The following CACNA2D3 variants were observed in gnomAD, a reference collection of about 807,000 sequenced individuals.
CACNA2D3 encodes the protein calcium voltage-gated channel auxiliary subunit alpha2delta 3.
CACNA2D3 carries 60 observed loss-of-function variants against 160.6 expected under a neutral mutation model. The ratio of observed to expected loss-of-function variants is 0.37; its 90% CI spans 0.30 to 0.46. The LOEUF is 0.46. CACNA2D3 is among the 20% of genes least tolerant of loss of function. The pLI is 1.00. For synonymous variants in CACNA2D3, 558 were observed against 492.9 expected (o/e 1.13, Z -1.75); for missense variants, 1,205 against 1,365.0 (o/e 0.88, Z 1.85).
intron 29 of CACNA2D3, among the ~76,000 whole-genome samples, chr3:54,984,163 G>A (rs891933625): frequency 2.6e-5 from 4 of 152,110 alleles, no homozygotes; most frequent in East Asian, 1.9e-4. Context: ...GAGCTGACAC[G>A]GTGTTTTCAT....
chr3:54,402,308 A>G (rs1227218720), intron 4 of CACNA2D3, among the ~76,000 whole-genome samples: 3 of 152,178 alleles, frequency 2.0e-5, no homozygotes, highest in Non-Finnish European at 2.9e-5. Context: ...ATGTAAATGG[A>G]TTAAATTCTC....
chr3:54,370,757 GT>G (rs200265056), intron 3 of CACNA2D3, among the ~76,000 whole-genome samples: 9 of 137,576 alleles, frequency 6.5e-5, no homozygotes, highest in East Asian at 4.5e-4. Flanking sequence ...AATTCAGTGG[GT>G]TTTTTTTTGT....
chr3:54,763,704 T>C (rs1156544362), intron 12 of CACNA2D3, among the ~76,000 whole-genome samples: 10 of 137,872 alleles, frequency 7.3e-5, no homozygotes, highest in Admixed American at 2.2e-4. Flanking sequence ...TATGTATATA[T>C]GTATATATAT....
chr3:54,854,427 A>G (rs1034404105), intron 17 of CACNA2D3, among the ~76,000 whole-genome samples: 6 of 152,104 alleles, frequency 3.9e-5, no homozygotes, highest in African/African-American at 1.4e-4. Flanking sequence ...GGTGGGAGCT[A>G]CGCCCTTTCT....
intron 35 of CACNA2D3, among the ~76,000 whole-genome samples, chr3:55,044,832 G>T (rs926071475): frequency 6.6e-6 from 1 of 151,996 alleles, no homozygotes; most frequent in Non-Finnish European, 1.5e-5. Context: ...ATCAAAAAAG[G>T]TTGCTAAAGT....
chr3:54,548,166 A>C (rs922362630), intron 5 of CACNA2D3, among the ~76,000 whole-genome samples: 1 of 152,204 alleles, frequency 6.6e-6, no homozygotes, highest in Non-Finnish European at 1.5e-5. Flanking sequence ...CAGTCCCAGC[A>C]GGTCATGGGC....
chr3:54,795,152 G>A (rs1222121348), intron 13 of CACNA2D3, among the ~76,000 whole-genome samples: 1 of 151,838 alleles, frequency 6.6e-6, no homozygotes, highest in Non-Finnish European at 1.5e-5. Flanking sequence ...TACTTCTTCT[G>A]CCATGTCTCA....
chr3:54,458,256 A>G (rs1017930306), intron 4 of CACNA2D3, among the ~76,000 whole-genome samples: 2 of 152,046 alleles, frequency 1.3e-5, no homozygotes, highest in Non-Finnish European at 2.9e-5. Flanking sequence ...TTGCTCCACC[A>G]GTGAATTTTG....
At chr3:54,397,707 T>C (rs1699382253) in intron 4 of CACNA2D3, among the ~76,000 whole-genome samples, 1 of 26,906 alleles carries the variant, frequency 3.7e-5, no homozygotes, top group Non-Finnish European at 6.4e-5. Flanking sequence ...TCTGTTCTTT[T>C]ACATTTGCTG....
chr3:54,645,778 C>T (rs1011757859), intron 11 of CACNA2D3, among the ~76,000 whole-genome samples: 2 of 152,152 alleles, frequency 1.3e-5, no homozygotes, highest in Admixed American at 1.3e-4. Context: ...GGAAGTATAG[C>T]TTTGTGTCCA....
chr3:54,623,114 T>C (rs1476583510), intron 9 of CACNA2D3, among the ~76,000 whole-genome samples: 1 of 152,192 alleles, frequency 6.6e-6, no homozygotes, highest in Non-Finnish European at 1.5e-5. Flanking sequence ...CAGCTAAAAC[T>C]GGTTAAGCAG....
chr3:54,798,376 T>TA (rs1702913309), intron 13 of CACNA2D3, among the ~76,000 whole-genome samples: 1 of 151,678 alleles, frequency 6.6e-6, no homozygotes, highest in Admixed American at 6.6e-5. Context: ...GTACTAAAAA[T>TA]ACCAAAAAAA....
At chr3:54,442,084 T>C (rs545385858) in intron 4 of CACNA2D3, among the ~76,000 whole-genome samples, 1 of 152,304 alleles carries the variant, frequency 6.6e-6, no homozygotes, top group South Asian at 2.1e-4. Context: ...GCAAGGACTA[T>C]AGATGTGTAC....
chr3:54,180,819 G>C (rs534482138), intron 2 of CACNA2D3, among the ~76,000 whole-genome samples: 1 of 152,314 alleles, frequency 6.6e-6, no homozygotes, highest in African/African-American at 2.4e-5. Context: ...CACTAAGCCT[G>C]TACTTGTCTG....
chr3:54,800,697 A>G (rs1381313918), intron 13 of CACNA2D3, among the ~76,000 whole-genome samples: 3 of 152,210 alleles, frequency 2.0e-5, no homozygotes, highest in Non-Finnish European at 4.4e-5. Context: ...CAAATGAGTA[A>G]TTTATGCAGG....
At chr3:54,909,044 C>G (rs62254542) in intron 27 of CACNA2D3, among the ~76,000 whole-genome samples, 1 of 152,176 alleles carries the variant, frequency 6.6e-6, no homozygotes, top group Non-Finnish European at 1.5e-5. Context: ...ATATTTAAAT[C>G]AGAGGTTATG....
chr3:54,439,765 A>C (rs1255314408), intron 4 of CACNA2D3, among the ~76,000 whole-genome samples: 2 of 152,146 alleles, frequency 1.3e-5, no homozygotes, highest in African/African-American at 2.4e-5. Flanking sequence ...CACTTTCCTC[A>C]TGATGGGAGA....
chr3:55,038,499 A>G lies in CACNA2D3; in HGVS notation c.2987+20182A>G, dbSNP rs142920522. Among the ~76,000 whole-genome samples, 168 of 152,304 alleles carry G rather than the reference A, an allele frequency of 1.1e-3. 1 individual carries two copies. The East Asian group carries it at 0.031, about 28-fold the overall frequency. On this transcript the variant is annotated intron_variant, in intron 35 of 37. Coordinates refer to ENST00000474759, the MANE Select transcript of CACNA2D3 (RefSeq NM_018398.3). ...CAAATTTGCATCTACAGGTGTGAAC[A>G]TAAGTGCTATATATACATATAAAAA...
At chr3:54,796,443 G>A (rs1234915708) in intron 13 of CACNA2D3, among the ~76,000 whole-genome samples, 1 of 152,148 alleles carries the variant, frequency 6.6e-6, no homozygotes, top group Non-Finnish European at 1.5e-5. Flanking sequence ...AAGTGCTTAT[G>A]TGCACAAAGA....
Sources: allele counts gnomAD v4.1 joint callset (sites outside exome capture counted in the v4.1 genomes callset), GRCh38; gene constraint gnomAD v4.1.1; transcripts MANE v1.5; gene names NCBI Gene and HGNC (gene_info 2026-07-23, HGNC 2026-07-21).